FAM13B: variants seen among roughly 807,000 people sequenced by gnomAD.
FAM13B encodes the protein family with sequence similarity 13 member B, also known as protein FAM13B.
In FAM13B, 60 loss-of-function variants were observed where a neutral mutation model predicts 117.3. That is an observed-to-expected ratio of 0.51 (90% CI 0.42 to 0.63). The LOEUF (loss-of-function observed/expected upper bound fraction) is 0.63. Among genes scored for constraint, FAM13B ranks in the 30% least tolerant of loss-of-function variants. The probability of loss-of-function intolerance (pLI) is 0.00; values close to 1 mark genes in which losing one functional copy is unlikely to be tolerated. For synonymous variants in FAM13B, 332 were observed against 356.1 expected (o/e 0.93, Z 0.76); for missense variants, 972 against 1,091.9 (o/e 0.89, Z 1.55).
At chr5:137,963,076 T>C (rs1359196970) in intron 10 of FAM13B, among the ~76,000 whole-genome samples, 2 of 152,124 alleles carry the variant, frequency 1.3e-5, no homozygotes, top group Non-Finnish European at 2.9e-5. Flanking sequence ...ACCTTTCAAA[T>C]CAACAAAAGG....
At chr5:138,003,776 C>T (rs1187863167) in intron 7 of FAM13B, among the ~76,000 whole-genome samples, 1 of 152,158 alleles carries the variant, frequency 6.6e-6, no homozygotes, top group Non-Finnish European at 1.5e-5. Flanking sequence ...AACAGACAGA[C>T]GGAGGCAGTC....
chr5:138,035,737 T>C (rs1791092850), upstream of FAM13B, among the ~76,000 whole-genome samples: 1 of 152,210 alleles, frequency 6.6e-6, no homozygotes, highest in African/African-American at 2.4e-5. Context: ...ATCTTTAACC[T>C]GCCTAGTCTT....
chr5:138,021,463 T>C (rs1449998264), intron 1 of FAM13B, among the ~76,000 whole-genome samples: 1 of 152,208 alleles, frequency 6.6e-6, no homozygotes, highest in Non-Finnish European at 1.5e-5. Context: ...CTTCAAGGAC[T>C]ACACCATTCA....
chr5:137,971,347 G>A (rs1435532506), intron 10 of FAM13B, among the ~76,000 whole-genome samples: 3 of 151,986 alleles, frequency 2.0e-5, no homozygotes, highest in Non-Finnish European at 4.4e-5. Flanking sequence ...TGAACAACCT[G>A]CTCCTGAATG....
Position 137,939,003 on chromosome 5 carries a change from T to C in FAM13B, c.*1222A>G, listed in dbSNP as rs1056187317. The stretch of plus-strand genomic sequence containing the variant: ...TAGCACAAATGAAGTCACCATTCTG[T>C]AACAATGATTAGCAGAATGATACCG... On this transcript the variant is annotated 3_prime_UTR_variant, in exon 24 of 24. Transcript: ENST00000689681. The C allele has an allele frequency of 2.0e-5, 3 of 152,000 alleles. No homozygotes were observed. The highest frequency in any genetic ancestry group is 7.3e-5 in the African/African-American group (3 of 41,366). 9.4% of individuals were successfully genotyped at this position (152,000 alleles called of 1,614,324 possible). A position where few individuals can be genotyped will look rare whatever the true frequency, so the allele number is the denominator to read the frequency against.
At chr5:137,968,902 G>T (rs924106120) in intron 10 of FAM13B, among the ~76,000 whole-genome samples, 6 of 152,186 alleles carry the variant, frequency 3.9e-5, no homozygotes, top group African/African-American at 1.4e-4. Flanking sequence ...CTTTTCCGAC[G>T]GGCTTAAAAA....
intron 7 of FAM13B, among the ~76,000 whole-genome samples, chr5:137,993,051 C>G (rs1236685518): frequency 6.6e-6 from 1 of 152,142 alleles, no homozygotes; most frequent in African/African-American, 2.4e-5. Context: ...AAATCTCAAA[C>G]TTACACAGTG....
intron 18 of FAM13B, among the ~76,000 whole-genome samples, chr5:137,947,529 T>TG (rs1305606019): frequency 6.6e-6 from 1 of 152,134 alleles, no homozygotes; most frequent in African/African-American, 2.4e-5. Context: ...GAGCCCAGCC[T>TG]GGGCAACATA....
upstream of FAM13B, chr5:138,036,920 T>A (rs994622567): frequency 1.5e-5 from 5 of 323,410 alleles, no homozygotes; most frequent in Non-Finnish European, 3.0e-5. Context: ...TTGTCACCAC[T>A]GGAGAGGTGC....
At chr5:137,984,257 A>AC (rs1362937780) in intron 10 of FAM13B, among the ~76,000 whole-genome samples, 1 of 152,310 alleles carries the variant, frequency 6.6e-6, no homozygotes, top group African/African-American at 2.4e-5. Flanking sequence ...CAGAGAAGTT[A>AC]CCCTTTTATA....
chr5:137,978,915 T>C (rs2150491849), intron 10 of FAM13B, among the ~76,000 whole-genome samples: 1 of 152,318 alleles, frequency 6.6e-6, no homozygotes, highest in African/African-American at 2.4e-5. Context: ...TCTCTTAGTG[T>C]CTGTGTTTCT....
chr5:137,972,616 T>C (rs1389546076), intron 10 of FAM13B, among the ~76,000 whole-genome samples: 6 of 151,940 alleles, frequency 3.9e-5, no homozygotes, highest in East Asian at 3.9e-4. Flanking sequence ...CCAGGGCAAT[T>C]AGGCAGGAGA....
intron 7 of FAM13B, among the ~76,000 whole-genome samples, chr5:137,991,263 A>G (rs1282734758): frequency 6.6e-6 from 1 of 152,274 alleles, no homozygotes; most frequent in Non-Finnish European, 1.5e-5. Flanking sequence ...CAGGATAAAT[A>G]CAATGGACTG....
chr5:137,949,221 G>C (rs1400394752), intron 17 of FAM13B, 37 bp from the exon 18 acceptor site: 1 of 1,547,502 alleles, frequency 6.5e-7, no homozygotes, highest in South Asian at 1.1e-5. Flanking sequence ...AGTAATAATT[G>C]GTTTTAGCTT....
chr5:137,987,685 G>T, intron 8 of FAM13B, 69 bp from the exon 9 acceptor site: 1 of 1,459,072 alleles, frequency 6.9e-7, no homozygotes, highest in Non-Finnish European at 9.3e-7. Flanking sequence ...AGACATAAAT[G>T]CTAAAACCTA....
At chr5:138,051,593 C>T (rs1205486113) in intron 1 of FAM13B, among the ~76,000 whole-genome samples, 1 of 152,156 alleles carries the variant, frequency 6.6e-6, no homozygotes, top group Non-Finnish European at 1.5e-5. Flanking sequence ...AATTCTCTGT[C>T]CATTTCCATT....
chr5:138,048,219 G>C (rs1461959915), intron 1 of FAM13B, among the ~76,000 whole-genome samples: 1 of 152,168 alleles, frequency 6.6e-6, no homozygotes, highest in East Asian at 1.9e-4. Flanking sequence ...TAAGTTTGTG[G>C]TAATTTGTTA....
intron 10 of FAM13B, among the ~76,000 whole-genome samples, chr5:137,966,324 C>T (rs1026245992): frequency 6.6e-6 from 1 of 151,218 alleles, no homozygotes; most frequent in Admixed American, 6.6e-5. Context: ...GTAATCCCAG[C>T]TACATGGGAG....
intron 18 of FAM13B, among the ~76,000 whole-genome samples, chr5:137,947,394 A>C (rs1201103911): frequency 6.6e-6 from 1 of 152,208 alleles, no homozygotes; most frequent in Admixed American, 6.5e-5. Flanking sequence ...AACCAAAGAT[A>C]ATACATTTGC....
Sources: gnomAD v4.1 joint callset for allele counts (sites outside exome capture counted in the v4.1 genomes callset) on GRCh38, gnomAD v4.1.1 for gene constraint, MANE v1.5 for transcripts, NCBI Gene and HGNC (gene_info 2026-07-23, HGNC 2026-07-21) for gene names.